FOXN3: variants seen among roughly 807,000 people sequenced by gnomAD.
FOXN3 encodes the protein forkhead box N3.
FOXN3 carries 7 observed loss-of-function variants against 38.4 expected under a neutral mutation model. The ratio of observed to expected loss-of-function variants is 0.18; its 90% CI spans 0.10 to 0.34. FOXN3 has a LOEUF of 0.34. FOXN3 is among the 10% of genes least tolerant of loss of function. The pLI, the probability that FOXN3 is intolerant of heterozygous loss-of-function variation, is 1.00. For missense variants in FOXN3, 456 were observed against 613.4 expected, an observed-to-expected ratio of 0.74 and a Z score of 2.71; for synonymous variants, 230 against 242.2, an observed-to-expected ratio of 0.95 and a Z score of 0.47.
intron 2 of FOXN3, among the ~76,000 whole-genome samples, chr14:89,405,935 T>C (rs1180423517): frequency 3.9e-5 from 6 of 152,094 alleles, no homozygotes; most frequent in East Asian, 1.9e-4. Flanking sequence ...TGGCTCACAA[T>C]TGGGAGGATT....
chr14:89,177,009 CTTTTTTTTT>C (rs34575638), intron 5 of FOXN3, among the ~76,000 whole-genome samples: 2 of 114,220 alleles, frequency 1.8e-5, no homozygotes, highest in Non-Finnish European at 3.6e-5. Flanking sequence ...CTCTTTCTTT[CTTTTTTTTT>C]TTTTTTTTTT....
At chr14:89,530,112 G>GT in intron 1 of FOXN3, among the ~76,000 whole-genome samples, 1 of 152,018 alleles carries the variant, frequency 6.6e-6, no homozygotes, top group Middle Eastern at 3.4e-3. Context: ...GCTAATTTTT[G>GT]TATTTTTAGT....
rs78351108 is a variant in FOXN3, at chr14:89,371,472, C to A, written c.544-20664G>T. 1.1e-3 allele frequency among the ~76,000 whole-genome samples: 175 copies of A among 152,240 alleles called. 3 individuals carry two copies. In the East Asian group the frequency reaches 0.031, roughly 27 times the overall value. Reference sequence around the variant, plus strand: ...CCACTTGGCCACCAGAAGCCTCATTCATCTTGTGTGCCCGGCATTAAGCAC... The same window carrying A: ...CCACTTGGCCACCAGAAGCCTCATTAATCTTGTGTGCCCGGCATTAAGCAC... On this transcript the variant is annotated intron_variant, in intron 2 of 5. Coordinates refer to ENST00000557258, the MANE Select transcript of FOXN3 (RefSeq NM_005197.4).
At chr14:89,519,109 G>C (rs138279397) in intron 1 of FOXN3, among the ~76,000 whole-genome samples, 1 of 152,276 alleles carries the variant, frequency 6.6e-6, no homozygotes, top group East Asian at 1.9e-4. Flanking sequence ...ACCAGGCCAG[G>C]CTGGAGGAAA....
At chr14:89,213,688 A>G (rs1884173117) in intron 4 of FOXN3, among the ~76,000 whole-genome samples, 1 of 152,226 alleles carries the variant, frequency 6.6e-6, no homozygotes, top group South Asian at 2.1e-4. Context: ...TGAGCCTTTC[A>G]GCCCACCCTG....
At chr14:89,303,954 C>T (rs192494468) in intron 3 of FOXN3, among the ~76,000 whole-genome samples, 1 of 152,250 alleles carries the variant, frequency 6.6e-6, no homozygotes, top group Non-Finnish European at 1.5e-5. Flanking sequence ...ATTTACACAC[C>T]CCTGTGTCTC....
At chr14:89,395,540 G>A (rs957831908) in intron 2 of FOXN3, among the ~76,000 whole-genome samples, 3 of 152,044 alleles carry the variant, frequency 2.0e-5, no homozygotes, top group African/African-American at 7.2e-5. Flanking sequence ...ACACGAAGGT[G>A]TACAATGACT....
At chr14:89,482,240 C>A (rs1460375612) in intron 1 of FOXN3, among the ~76,000 whole-genome samples, 1 of 152,214 alleles carries the variant, frequency 6.6e-6, no homozygotes. Flanking sequence ...ATGAGCTCCT[C>A]CATACTTCCC....
rs186132641 is a variant in FOXN3, at chr14:89,261,025, C to T, written c.745+19925G>A. On this transcript the variant is annotated intron_variant, in intron 4 of 5. Transcript: ENST00000557258. ...CTGTGTTTGTGTATGTGCATGTGTG[C>T]GGACTATCTTGAACCACAGGTTGAG... Among the ~76,000 whole-genome samples the T allele has an allele frequency of 2.1e-3, 316 of 152,300 alleles. 1 individual carries two copies. Among genetic ancestry groups the T allele is most frequent in the African/African-American group, 7.0e-3 (290 of 41,552 alleles).
chr14:89,257,644 G>C (rs972785224), intron 4 of FOXN3, among the ~76,000 whole-genome samples: 2 of 152,122 alleles, frequency 1.3e-5, no homozygotes, highest in African/African-American at 4.8e-5. Context: ...TAGCTTCTTG[G>C]GAGGCTGAGG....
At chr14:89,207,034 A>C (rs758638224) in intron 4 of FOXN3, among the ~76,000 whole-genome samples, 3 of 152,168 alleles carry the variant, frequency 2.0e-5, no homozygotes, top group Non-Finnish European at 4.4e-5. Context: ...TAGTAGCAGT[A>C]GCGGCAAGAG....
chr14:89,165,279 A>G (rs1887211467), intron 5 of FOXN3, among the ~76,000 whole-genome samples: 1 of 152,116 alleles, frequency 6.6e-6, no homozygotes, highest in Non-Finnish European at 1.5e-5. Flanking sequence ...AGGCTGTTTT[A>G]CTTCTTGAAG....
chr14:89,611,772 C>G (rs542047323), intron 1 of FOXN3, among the ~76,000 whole-genome samples: 6 of 144,200 alleles, frequency 4.2e-5, no homozygotes, highest in African/African-American at 1.6e-4. Context: ...TGCCACTGCA[C>G]TCCAGCCTGG....
chr14:89,510,505 A>C (rs1894035501), intron 1 of FOXN3, among the ~76,000 whole-genome samples: 1 of 152,134 alleles, frequency 6.6e-6, no homozygotes, highest in African/African-American at 2.4e-5. Context: ...CTGACTGTGC[A>C]TCTCCCCAGC....
chr14:89,229,784 G>A (rs1884752447), intron 4 of FOXN3, among the ~76,000 whole-genome samples: 1 of 152,172 alleles, frequency 6.6e-6, no homozygotes, highest in African/African-American at 2.4e-5. Context: ...GATAAAAGGA[G>A]GTAGGGCAAC....
At chr14:89,348,704 G>C (rs898364741) in intron 3 of FOXN3, among the ~76,000 whole-genome samples, 3 of 152,106 alleles carry the variant, frequency 2.0e-5, no homozygotes, top group African/African-American at 7.2e-5. Flanking sequence ...TGGAGGTGAC[G>C]GAGTGGGGTC....
chr14:89,447,743 T>G (rs2139706056), intron 1 of FOXN3, among the ~76,000 whole-genome samples: 1 of 152,090 alleles, frequency 6.6e-6, no homozygotes, highest in South Asian at 2.1e-4. Context: ...CAAGTCTGTT[T>G]TGCTTGACTT....
At chr14:89,260,978 T>C (rs956828134) in intron 4 of FOXN3, among the ~76,000 whole-genome samples, 10 of 152,284 alleles carry the variant, frequency 6.6e-5, no homozygotes, top group South Asian at 2.1e-4. Flanking sequence ...TGTTAGCATA[T>C]GTAAATTGCT....
In FOXN3 at chr14:89,582,116, T is replaced by C. The variant is rs533846177; in HGVS notation, c.-15+36912A>G. Among the ~76,000 whole-genome samples the C allele has an allele frequency of 2.0e-5, 3 of 152,308 alleles. No individual in the cohort carries two copies. The East Asian group carries it at 5.8e-4, about 29-fold the overall frequency. ...GTCATGCCACATGTTCCCCACGTTC[T>C]CCTCTAATAATCTTACTAAATCTTC... On this transcript the variant is annotated intron_variant, in intron 1 of 6. Coordinates refer to the FOXN3 transcript ENST00000345097.
Sources: allele counts gnomAD v4.1 joint callset (sites outside exome capture counted in the v4.1 genomes callset), GRCh38; gene constraint gnomAD v4.1.1; transcripts MANE v1.5; gene names NCBI Gene and HGNC (gene_info 2026-07-23, HGNC 2026-07-21).